The following RCSD1 variants were observed in gnomAD, a reference collection of about 807,000 sequenced individuals.
RCSD1 encodes the protein capZ-interacting protein.
A neutral mutation model predicts 42.5 loss-of-function variants in RCSD1; 26 were observed. The observed-to-expected ratio is 0.61, with a 90% CI of 0.45 to 0.85. The LOEUF is 0.85. Among genes scored for constraint, RCSD1 ranks in the 40% least tolerant of loss-of-function variants. RCSD1 has a pLI of 0.00. For missense variants in RCSD1, 571 were observed against 528.3 expected, an observed-to-expected ratio of 1.08 and a Z score of -0.79; for synonymous variants, 220 against 212.2, an observed-to-expected ratio of 1.04 and a Z score of -0.32.
rs71958362 is a variant in RCSD1 at position 167,707,671 on chromosome 1, CTT to C, written c.*2983_*2984del. Among the ~76,000 whole-genome samples the C allele has an allele frequency of 3.3e-5, 5 of 150,458 alleles. No homozygotes were observed. In the East Asian group the frequency reaches 9.8e-4, roughly 30 times the overall value. On this transcript the variant is annotated 3_prime_UTR_variant, in exon 7 of 7. Coordinates refer to ENST00000367854, the MANE Select transcript of RCSD1 (RefSeq NM_052862.4). ...TCTCTTTTTTCTCTTCTTTTCTCTT[CTT>C]TTTTTTTGAATGAGACAGAGTCTCG...
At chr1:167,631,052 A>T (rs1657684553) in intron 1 of RCSD1, among the ~76,000 whole-genome samples, 1 of 151,838 alleles carries the variant, frequency 6.6e-6, no homozygotes, top group South Asian at 2.1e-4. Context: ...AAAACTTAAG[A>T]CTCCCTTGGA....
chr1:167,697,097 A>T lies in RCSD1; in HGVS notation c.475-2A>T. The T allele has an allele frequency of 6.2e-7, 1 of 1,605,826 alleles. No individual in the cohort carries two copies. Among genetic ancestry groups the T allele is most frequent in the South Asian group, 1.1e-5 (1 of 90,004 alleles). ...ATAACTTTCCTTAACACTTTCTTCT[A>T]GGTGCGGACGAGGGGCTCAATAAAA... On this transcript the variant is annotated splice_acceptor_variant, in intron 5 of 6. Transcript: ENST00000367854. LOFTEE classifies it high-confidence loss of function.
At chr1:167,658,694 G>A (rs1246885528) in intron 1 of RCSD1, among the ~76,000 whole-genome samples, 2 of 152,048 alleles carry the variant, frequency 1.3e-5, no homozygotes, top group East Asian at 1.9e-4. Context: ...GCCTCCCAAA[G>A]TGCTGGGATT....
chr1:167,682,970 A>G (rs1341263636), intron 1 of RCSD1, among the ~76,000 whole-genome samples: 1 of 152,206 alleles, frequency 6.6e-6, no homozygotes, highest in Non-Finnish European at 1.5e-5. Context: ...GTGGTTATGT[A>G]GGCCTCCTGT....
chr1:167,641,162 A>C (rs1204758495), intron 1 of RCSD1, among the ~76,000 whole-genome samples: 1 of 152,064 alleles, frequency 6.6e-6, no homozygotes, highest in East Asian at 1.9e-4. Context: ...TGGGAGGGGA[A>C]GTCTGTCTCC....
intron 3 of RCSD1, among the ~76,000 whole-genome samples, chr1:167,686,637 A>T (rs1659243298): frequency 2.0e-5 from 3 of 152,230 alleles, no homozygotes; most frequent in Non-Finnish European, 2.9e-5. Context: ...AGCACAGTTT[A>T]AAAACACTGA....
intron 5 of RCSD1, among the ~76,000 whole-genome samples, chr1:167,696,245 A>T (rs1325248131): frequency 6.6e-6 from 1 of 151,878 alleles, no homozygotes; most frequent in Non-Finnish European, 1.5e-5. Context: ...CAATTTTCAA[A>T]TTTTTCAAAA....
chr1:167,637,912 A>G (rs969201719), intron 1 of RCSD1, among the ~76,000 whole-genome samples: 8 of 152,232 alleles, frequency 5.3e-5, no homozygotes, highest in African/African-American at 1.4e-4. Flanking sequence ...ACTGTAGAGC[A>G]GCAGCCAACC....
At chr1:167,651,034 G>A (rs992562030) in intron 1 of RCSD1, among the ~76,000 whole-genome samples, 2 of 152,180 alleles carry the variant, frequency 1.3e-5, no homozygotes, top group Admixed American at 6.5e-5. Context: ...GTGTCTTCAC[G>A]TGGTCTTCTC....
chr1:167,702,028 A>T (rs1371222286), intron 6 of RCSD1, among the ~76,000 whole-genome samples: 1 of 152,226 alleles, frequency 6.6e-6, no homozygotes, highest in Admixed American at 6.5e-5. Flanking sequence ...TAGATTGATC[A>T]GACAAACTAA....
chr1:167,668,279 C>T (rs1165573251), intron 1 of RCSD1, among the ~76,000 whole-genome samples: 11 of 151,584 alleles, frequency 7.3e-5, no homozygotes, highest in Non-Finnish European at 1.6e-4. Context: ...AGCAAGACTC[C>T]GTCTCCAGAA....
Position 167,708,121 on chromosome 1 carries a change from C to T in RCSD1, c.*3425C>T, listed in dbSNP as rs1059361. ...GCCCTGTGTGACTCACGTGTCTATACCTGAATCAACTGTTACAACCAAGCA... is the reference window on the plus strand; with the variant it reads ...GCCCTGTGTGACTCACGTGTCTATATCTGAATCAACTGTTACAACCAAGCA... On this transcript the variant is annotated 3_prime_UTR_variant, in exon 7 of 7. Transcript: ENST00000367854. Among the ~76,000 whole-genome samples, 24,388 of 152,078 alleles carry T rather than the reference C, an allele frequency of 0.16. 2,269 individuals are homozygous for T. The highest frequency in any genetic ancestry group is 0.22 in the South Asian group (1,083 of 4,816).
rs375650193 is a variant in RCSD1 at position 167,696,565 on chromosome 1, T to C, written c.475-534T>C. Among the ~76,000 whole-genome samples, 77 of 151,836 alleles carry C rather than the reference T, an allele frequency of 5.1e-4. 1 individual carries two copies. Among genetic ancestry groups the C allele is most frequent in the African/African-American group, 1.7e-3 (72 of 41,376 alleles). ...CTCCCAGGCTCAAGCTATATTCCCA[T>C]CTCAGCCTCCCAAGTAGCTGGGACC... is the stretch of plus-strand genomic sequence containing the variant. On this transcript the variant is annotated intron_variant, in intron 5 of 6. Transcript: ENST00000367854.
rs538683386 is a variant in RCSD1, at chr1:167,643,705, T to G, written c.6+13276T>G. Among the ~76,000 whole-genome samples the G allele has an allele frequency of 2.6e-5, 4 of 152,336 alleles. No individual in the cohort carries two copies. In the East Asian group the frequency reaches 5.8e-4, roughly 22 times the overall value. On this transcript the variant is annotated intron_variant, in intron 1 of 6. Coordinates refer to ENST00000367854, the MANE Select transcript of RCSD1 (RefSeq NM_052862.4). ...GCTTGTGACCTCTCCATGGCTTGGT[T>G]TTTCCATTTGTAAAATGGAAATAAT...
chr1:167,677,477 G>T (rs28627727), intron 1 of RCSD1, among the ~76,000 whole-genome samples: 11,929 of 152,204 alleles, frequency 0.078, 1,046 homozygotes, highest in African/African-American at 0.22. Flanking sequence ...TGTGCCTTTC[G>T]CCAAAGATGA....
chr1:167,701,585 A>G (rs1226527009), intron 6 of RCSD1, among the ~76,000 whole-genome samples: 1 of 151,988 alleles, frequency 6.6e-6, no homozygotes, highest in Admixed American at 6.6e-5. Flanking sequence ...GCATTACAGG[A>G]GGGAGCCACT....
intron 1 of RCSD1, among the ~76,000 whole-genome samples, chr1:167,644,385 A>G (rs896249329): frequency 2.0e-5 from 3 of 152,156 alleles, no homozygotes; most frequent in Admixed American, 6.5e-5. Context: ...AGGCTGAGAC[A>G]GGAGAATTGC....
At chr1:167,665,433 A>G (rs1333824467) in intron 1 of RCSD1, among the ~76,000 whole-genome samples, 3 of 152,266 alleles carry the variant, frequency 2.0e-5, no homozygotes, top group Admixed American at 6.5e-5. Flanking sequence ...AGATTTGTAT[A>G]CAAGTATTTA....
At chr1:167,682,119 G>T (rs367807336) in intron 1 of RCSD1, among the ~76,000 whole-genome samples, 4 of 151,834 alleles carry the variant, frequency 2.6e-5, no homozygotes, top group Non-Finnish European at 5.9e-5. Flanking sequence ...ACAGCTGTTC[G>T]CAGATCGGAA....
Sources: allele counts gnomAD v4.1 joint callset (sites outside exome capture counted in the v4.1 genomes callset), GRCh38; gene constraint gnomAD v4.1.1; transcripts MANE v1.5; gene names NCBI Gene and HGNC (gene_info 2026-07-23, HGNC 2026-07-21).